The following INSIG2 variants were observed in gnomAD, a reference collection of about 807,000 sequenced individuals.
INSIG2 encodes the protein insulin induced gene 2, also known as insulin-induced gene 2 protein.
Under a neutral mutation model 27.2 loss-of-function variants are expected in INSIG2, and 10 were observed. The ratio of observed to expected loss-of-function variants is 0.37; its 90% CI spans 0.23 to 0.62. The LOEUF is 0.62. Ranked by LOEUF, INSIG2 falls within the 20% of genes least tolerant of loss-of-function variation. The pLI, the probability that INSIG2 is intolerant of heterozygous loss-of-function variation, is 0.65. For missense variants in INSIG2, 178 were observed against 270.2 expected (o/e 0.66, Z 2.39); for synonymous variants, 97 against 95.8 (o/e 1.01, Z -0.07).
chr2:118,103,138 C>A, intron 2 of INSIG2, 59 bp from the exon 3 acceptor site: 1 of 1,447,948 alleles, frequency 6.9e-7, no homozygotes, highest in Non-Finnish European at 9.3e-7. Context: ...ATTCTTTTAG[C>A]TTAAGTGTTG....
At chr2:118,103,427 C>A in intron 3 of INSIG2, 106 bp downstream of exon 3, 2 of 913,334 alleles carry the variant, frequency 2.2e-6, no homozygotes, top group Non-Finnish European at 3.3e-6. Context: ...ATGATATGCC[C>A]ACTTAGTCAG....
chr2:118,098,923 C>A (rs1678474644), intron 2 of INSIG2, among the ~76,000 whole-genome samples: 1 of 152,164 alleles, frequency 6.6e-6, no homozygotes, highest in South Asian at 2.1e-4. Context: ...AGTAGAGAGA[C>A]ATTAGGAAAT....
At chr2:118,102,016 G>A (rs549712680) in intron 2 of INSIG2, among the ~76,000 whole-genome samples, 37 of 152,280 alleles carry the variant, frequency 2.4e-4, no homozygotes, top group Non-Finnish European at 4.7e-4. Flanking sequence ...GTTTTTCTTC[G>A]AAGAGTGAAT....
intron 1 of INSIG2, among the ~76,000 whole-genome samples, chr2:118,089,245 C>A (rs1390598891): frequency 2.0e-5 from 3 of 152,080 alleles, no homozygotes; most frequent in African/African-American, 7.2e-5. Context: ...GACCCATGTC[C>A]AGTTAACGTT....
chr2:118,095,264 T>G (rs1256176923), intron 1 of INSIG2, among the ~76,000 whole-genome samples: 1 of 152,230 alleles, frequency 6.6e-6, no homozygotes, highest in Non-Finnish European at 1.5e-5. Flanking sequence ...TGTAGTATTT[T>G]TCCCATTTAA....
At chr2:118,099,924 C>T (rs1178241656) in intron 2 of INSIG2, among the ~76,000 whole-genome samples, 1 of 152,142 alleles carries the variant, frequency 6.6e-6, no homozygotes, top group Non-Finnish European at 1.5e-5. Flanking sequence ...TTGTATGGTA[C>T]CCTCACTGCT....
rs1678778964 is a variant in INSIG2, at chr2:118,110,168, G to A, written c.*1846G>A. The stretch of plus-strand genomic sequence containing the variant: ...TATAGTTGACCCTTGAACAACAGGA[G>A]TTAGGGGCACCACTCCCCAACATAG... On this transcript the variant is annotated 3_prime_UTR_variant, in exon 6 of 6. Coordinates refer to ENST00000245787, the MANE Select transcript of INSIG2 (RefSeq NM_016133.4). 6.6e-6 allele frequency: 1 copy of A among 152,162 alleles called. No homozygotes were observed. The highest frequency in any genetic ancestry group is 2.1e-4 in the South Asian group (1 of 4,820). The allele number at this position is 152,162 out of a possible 1,614,324, so 9.4% of individuals were successfully genotyped here. A position where few individuals can be genotyped will look rare whatever the true frequency, so the allele number is the denominator to read the frequency against.
rs1324549913 is a variant in INSIG2, at chr2:118,110,036, C to G, written c.*1714C>G. ...TGTAATTATCATCTGGGTTAAGAGT[C>G]TGTTTTTCTTCTTTGTGGTAAGTCT... On this transcript the variant is annotated 3_prime_UTR_variant, in exon 6 of 6. Transcript: ENST00000245787. 1 of 152,510 alleles carries G rather than the reference C, an allele frequency of 6.6e-6. No individual in the cohort carries two copies. Among genetic ancestry groups the G allele is most frequent in the Non-Finnish European group, 1.5e-5 (1 of 68,022 alleles). 9.4% of individuals were successfully genotyped at this position (152,510 alleles called of 1,614,324 possible). A position where few individuals can be genotyped will look rare whatever the true frequency, so the allele number is the denominator to read the frequency against.
intron 1 of INSIG2, among the ~76,000 whole-genome samples, chr2:118,091,242 A>G (rs1441111072): frequency 1.3e-5 from 2 of 152,236 alleles, no homozygotes; most frequent in Admixed American, 1.3e-4. Flanking sequence ...CTGATATTAT[A>G]AACATGCTTT....
rs1678592533 is a variant in INSIG2, at chr2:118,103,213, A to G, written c.261A>G (p.Leu87=). Residue 87 remains leucine (L), a synonymous_variant, in exon 3 of 6, where the codon TTA becomes TTG. Coordinates refer to ENST00000245787, the MANE Select transcript of INSIG2 (RefSeq NM_016133.4). Reference sequence around the variant, plus strand: ...TCCCTACAGCTGTGATTGGGTTATTATACCCCTGCATTGACAGACATCTAG... The same window carrying G: ...TCCCTACAGCTGTGATTGGGTTATTGTACCCCTGCATTGACAGACATCTAG... ...CGTASAVIGL[L]YPCIDRHLGE... The G allele has an allele frequency of 6.2e-7, 1 of 1,613,122 alleles. No individual in the cohort carries two copies. Among genetic ancestry groups the G allele is most frequent in the African/African-American group, 1.3e-5 (1 of 74,708 alleles).
At chr2:118,094,164 A>AGAT (rs1182898795) in intron 1 of INSIG2, among the ~76,000 whole-genome samples, 1 of 135,056 alleles carries the variant, frequency 7.4e-6, no homozygotes, top group African/African-American at 2.8e-5. Flanking sequence ...AAAAGCAACC[A>AGAT]GATGATGATG....
chr2:118,106,321 T>G (rs1332790799), intron 3 of INSIG2, among the ~76,000 whole-genome samples: 1 of 152,254 alleles, frequency 6.6e-6, no homozygotes, highest in Non-Finnish European at 1.5e-5. Context: ...ATTCTAAACC[T>G]GTTGGAGAAG....
Position 118,109,773 on chromosome 2 carries a change from G to A in INSIG2, c.*1451G>A, listed in dbSNP as rs1678769768. Reference sequence around the variant, plus strand: ...CTGCTTTTATGTTTTCAGGCTGAAGGTGTGAAAATCCTAAGAGGATTTCAT... The same window carrying A: ...CTGCTTTTATGTTTTCAGGCTGAAGATGTGAAAATCCTAAGAGGATTTCAT... On this transcript the variant is annotated 3_prime_UTR_variant, in exon 6 of 6. Transcript: ENST00000245787. 1 of 152,228 alleles carries A rather than the reference G, an allele frequency of 6.6e-6. No individual in the cohort carries two copies. The highest frequency in any genetic ancestry group is 6.6e-5 in the Admixed American group (1 of 15,204). 9.4% of individuals were successfully genotyped at this position (152,228 alleles called of 1,614,324 possible). A position where few individuals can be genotyped will look rare whatever the true frequency, so the allele number is the denominator to read the frequency against.
chr2:118,106,414 G>C (rs183083941), intron 3 of INSIG2, among the ~76,000 whole-genome samples: 2 of 152,200 alleles, frequency 1.3e-5, no homozygotes, highest in African/African-American at 2.4e-5. Context: ...TTTTAGCAAA[G>C]AAAGCATTTC....
chr2:118,108,428 T>C lies in INSIG2; in HGVS notation c.*106T>C. On this transcript the variant is annotated 3_prime_UTR_variant, in exon 6 of 6. Transcript: ENST00000245787. Reference sequence around the variant, plus strand: ...CTGTAAAATTGCCAGGATGCAGTTTTCCCCTTGATTGGCGTGTGTGTATAT... The same window carrying C: ...CTGTAAAATTGCCAGGATGCAGTTTCCCCCTTGATTGGCGTGTGTGTATAT... 1 of 788,052 alleles carries C rather than the reference T, an allele frequency of 1.3e-6. No individual in the cohort carries two copies. Among genetic ancestry groups the C allele is most frequent in the Non-Finnish European group, 2.2e-6 (1 of 462,466 alleles). 48.8% of individuals were successfully genotyped at this position (788,052 alleles called of 1,614,324 possible).
Position 118,108,554 on chromosome 2 carries a change from G to A in INSIG2, c.*232G>A, listed in dbSNP as rs1167561846. On this transcript the variant is annotated 3_prime_UTR_variant, in exon 6 of 6. Transcript: ENST00000245787. ...CTTTACATATTTGACTTAAATAACT[G>A]TAAGATATATATGTACTACATTAAA... 2 of 391,998 alleles carry A rather than the reference G, an allele frequency of 5.1e-6. No homozygotes were observed. Among genetic ancestry groups the A allele is most frequent in the Non-Finnish European group, 9.2e-6 (2 of 216,978 alleles). The allele number at this position is 391,998 out of a possible 1,614,324, so 24.3% of individuals were successfully genotyped here. A position where few individuals can be genotyped will look rare whatever the true frequency, so the allele number is the denominator to read the frequency against.
intron 3 of INSIG2, among the ~76,000 whole-genome samples, chr2:118,106,414 G>T (rs183083941): frequency 2.0e-5 from 3 of 152,318 alleles, no homozygotes; most frequent in East Asian, 3.9e-4. Flanking sequence ...TTTTAGCAAA[G>T]AAAGCATTTC....
intron 1 of INSIG2, among the ~76,000 whole-genome samples, chr2:118,092,643 A>G (rs61702770): frequency 0.14 from 21,370 of 152,152 alleles, 1,827 homozygotes; most frequent in East Asian, 0.33. Context: ...ACTGCATGTC[A>G]TGTGACCATA....
chr2:118,100,955 G>A (rs1010890317), intron 2 of INSIG2, among the ~76,000 whole-genome samples: 4 of 151,692 alleles, frequency 2.6e-5, no homozygotes, highest in Non-Finnish European at 5.9e-5. Flanking sequence ...ACTGTAACTA[G>A]TCACTGGGAA....
Sources: gnomAD v4.1 joint callset for allele counts (sites outside exome capture counted in the v4.1 genomes callset) on GRCh38, gnomAD v4.1.1 for gene constraint, MANE v1.5 for transcripts, NCBI Gene and HGNC (gene_info 2026-07-23, HGNC 2026-07-21) for gene names.